The following MACROD2 variants were observed in gnomAD, a reference collection of about 807,000 sequenced individuals.
The protein encoded by MACROD2 is mono-ADP ribosylhydrolase 2.
In MACROD2, 36 loss-of-function variants were observed where a neutral mutation model predicts 70.4. The observed-to-expected ratio is 0.51, with a 90% CI of 0.39 to 0.68. The LOEUF (loss-of-function observed/expected upper bound fraction) is 0.68. MACROD2 is among the 30% of genes least tolerant of loss of function. The pLI, the probability that MACROD2 is intolerant of heterozygous loss-of-function variation, is 0.00. For synonymous variants in MACROD2, 172 were observed against 178.8 expected (o/e 0.96, Z 0.30); for missense variants, 496 against 538.4 (o/e 0.92, Z 0.78).
At chr20:15,514,478 C>A (rs1429016685) in intron 8 of MACROD2, among the ~76,000 whole-genome samples, 1 of 152,228 alleles carries the variant, frequency 6.6e-6, no homozygotes, top group Non-Finnish European at 1.5e-5. Flanking sequence ...AAGCAACATG[C>A]TGTACAGGCT....
intron 5 of MACROD2, among the ~76,000 whole-genome samples, chr20:15,147,433 T>A (rs1601139399): frequency 1.7e-5 from 1 of 57,510 alleles, no homozygotes; most frequent in Non-Finnish European, 3.0e-5. Flanking sequence ...GTTAGCATTT[T>A]TTTTTTTTTT....
intron 5 of MACROD2, among the ~76,000 whole-genome samples, chr20:14,855,225 CT>C (rs1486690236): frequency 6.6e-6 from 1 of 152,104 alleles, no homozygotes; most frequent in Admixed American, 6.5e-5. Flanking sequence ...TCCCGATGAA[CT>C]GCAAGATTTT....
chr20:14,277,227 A>G (rs1195515597), intron 3 of MACROD2, among the ~76,000 whole-genome samples: 1 of 152,074 alleles, frequency 6.6e-6, no homozygotes, highest in Non-Finnish European at 1.5e-5. Flanking sequence ...AGGGGGGCGG[A>G]TCGTGAGTTC....
intron 8 of MACROD2, among the ~76,000 whole-genome samples, chr20:15,651,875 C>T (rs1214170618): frequency 1.3e-5 from 2 of 152,130 alleles, no homozygotes; most frequent in Non-Finnish European, 2.9e-5. Flanking sequence ...ACTTGGTTCT[C>T]GGTTGCTTTT....
intron 15 of MACROD2, among the ~76,000 whole-genome samples, chr20:15,996,126 G>A (rs1477379004): frequency 6.6e-6 from 1 of 151,996 alleles, no homozygotes; most frequent in Admixed American, 6.6e-5. Context: ...CATTAACAGT[G>A]TAAAAGGTTC....
intron 5 of MACROD2, among the ~76,000 whole-genome samples, chr20:15,073,613 T>C (rs956035698): frequency 5.3e-5 from 8 of 152,112 alleles, no homozygotes; most frequent in Admixed American, 1.3e-4. Context: ...ATTCTCCTTA[T>C]GTGTAATCAA....
intron 4 of MACROD2, among the ~76,000 whole-genome samples, chr20:14,674,930 A>C (rs1367392662): frequency 6.6e-6 from 1 of 152,202 alleles, no homozygotes; most frequent in Non-Finnish European, 1.5e-5. Flanking sequence ...TTTATTTACA[A>C]AAAAAGATTA....
At chr20:14,342,840 A>G (rs1023216347) in intron 3 of MACROD2, among the ~76,000 whole-genome samples, 1 of 152,072 alleles carries the variant, frequency 6.6e-6, no homozygotes, top group Admixed American at 6.6e-5. Flanking sequence ...TGAAACAGAT[A>G]TCAAAGCAAA....
At chr20:14,025,452 A>G (rs569613258) in intron 2 of MACROD2, among the ~76,000 whole-genome samples, 71 of 152,014 alleles carry the variant, frequency 4.7e-4, no homozygotes, top group Non-Finnish European at 7.9e-4. Flanking sequence ...TTGATTTTAG[A>G]TCTTTCCCAC....
chr20:15,479,256 TCTCG>T (rs1269359827), intron 7 of MACROD2, among the ~76,000 whole-genome samples: 1 of 139,598 alleles, frequency 7.2e-6, no homozygotes. Context: ...AGTACTAGAT[TCTCG>T]CTCTCTTTTT....
At position 16,027,305 on chromosome 20, in the gene MACROD2, T is replaced by C. The variant is rs552679993; in HGVS notation, c.1154-13896T>C. On this transcript the variant is annotated intron_variant, in intron 15 of 17. Coordinates refer to ENST00000684519, the MANE Select transcript of MACROD2 (RefSeq NM_001351661.2). ...ATTTCTTGGATGCAGCGTACATTTC[T>C]AGTCCTTTGGTCATGGACAAAGGTG... 3.9e-5 allele frequency among the ~76,000 whole-genome samples: 6 copies of C among 152,320 alleles called. No homozygotes were observed. The South Asian group carries it at 1.2e-3, about 32-fold the overall frequency.
At chr20:15,279,033 T>TA (rs1168091141) in intron 6 of MACROD2, among the ~76,000 whole-genome samples, 2 of 152,168 alleles carry the variant, frequency 1.3e-5, no homozygotes, top group Admixed American at 6.5e-5. Context: ...TGTGCTGAAA[T>TA]AGAGTTCTGT....
intron 4 of MACROD2, among the ~76,000 whole-genome samples, chr20:14,646,063 A>G (rs1280420649): frequency 2.0e-5 from 3 of 150,122 alleles, no homozygotes; most frequent in African/African-American, 7.3e-5. Context: ...AATACCATAT[A>G]TTAAATAAAT....
intron 8 of MACROD2, among the ~76,000 whole-genome samples, chr20:15,719,535 T>G (rs1487650474): frequency 6.6e-6 from 1 of 152,212 alleles, no homozygotes; most frequent in East Asian, 1.9e-4. Context: ...TGACCAATTT[T>G]AACTAAGCTT....
rs1229537801 is a variant in MACROD2, at chr20:15,784,992, C to A, written c.646-77753C>A. On this transcript the variant is annotated intron_variant, in intron 8 of 17. Coordinates refer to ENST00000684519, the MANE Select transcript of MACROD2 (RefSeq NM_001351661.2). ...TGAAACCACGTCTCTACTAAAAATA[C>A]AAAAAAAAAATTAGCCGGGCATGGT... Among the ~76,000 whole-genome samples the A allele has an allele frequency of 9.8e-4, 146 of 148,998 alleles. 1 individual carries two copies. Among genetic ancestry groups the A allele is most frequent in the African/African-American group, 3.4e-3 (140 of 40,758 alleles).
chr20:14,257,345 T>A (rs1328252295), intron 3 of MACROD2, among the ~76,000 whole-genome samples: 3 of 152,206 alleles, frequency 2.0e-5, no homozygotes, highest in African/African-American at 7.2e-5. Context: ...AATTTTAAGA[T>A]GCAGATTACT....
intron 6 of MACROD2, among the ~76,000 whole-genome samples, chr20:15,241,413 C>G (rs2077058486): frequency 6.6e-6 from 1 of 152,106 alleles, no homozygotes; most frequent in Non-Finnish European, 1.5e-5. Flanking sequence ...GGGCAATTAT[C>G]TCATTACCAT....
At chr20:15,899,103 A>G (rs945488396) in intron 10 of MACROD2, among the ~76,000 whole-genome samples, 2 of 151,788 alleles carry the variant, frequency 1.3e-5, no homozygotes, top group African/African-American at 2.4e-5. Context: ...TGTGCTATCT[A>G]TATGTATGTA....
intron 5 of MACROD2, chr20:14,934,053 G>A (rs1478245891): frequency 6.6e-6 from 1 of 152,090 alleles, no homozygotes; most frequent in East Asian, 1.9e-4. Flanking sequence ...AGGTAGAACC[G>A]GGACTTAATT....
Sources: allele counts gnomAD v4.1 joint callset (sites outside exome capture counted in the v4.1 genomes callset), GRCh38; gene constraint gnomAD v4.1.1; transcripts MANE v1.5; gene names NCBI Gene and HGNC (gene_info 2026-07-23, HGNC 2026-07-21).